SEM1: variants seen among roughly 807,000 people sequenced by gnomAD.
The protein encoded by SEM1 is SEM1 26S proteasome subunit.
In SEM1, 3 loss-of-function variants were observed where a neutral mutation model predicts 12.7. The observed-to-expected ratio is 0.24, with a 90% CI of 0.11 to 0.61. SEM1 has a LOEUF of 0.61. Among genes scored for constraint, SEM1 ranks in the 20% least tolerant of loss-of-function variants. The pLI is 0.88. For synonymous variants in SEM1, 30 were observed against 27.8 expected, an observed-to-expected ratio of 1.08 and a Z score of -0.25; for missense variants, 59 against 81.3, an observed-to-expected ratio of 0.73 and a Z score of 1.06.
intron 2 of SEM1, among the ~76,000 whole-genome samples, chr7:96,526,058 C>T (rs1275852965): frequency 6.6e-6 from 1 of 152,068 alleles, no homozygotes; most frequent in Non-Finnish European, 1.5e-5. Context: ...TTATCACCCC[C>T]AAAAGAAACC....
chr7:96,693,792 A>T (rs9632686), intron 2 of SEM1, among the ~76,000 whole-genome samples: 1 of 115,856 alleles, frequency 8.6e-6, no homozygotes, highest in African/African-American at 3.6e-5. Flanking sequence ...GTGTGTGTGT[A>T]TATATATATA....
intron 2 of SEM1, among the ~76,000 whole-genome samples, chr7:96,534,639 C>G (rs376143392): frequency 2.0e-5 from 3 of 151,978 alleles, no homozygotes; most frequent in African/African-American, 7.2e-5. Context: ...CAATTATCTA[C>G]AAAGGTTACT....
chr7:96,604,358 C>T (rs1378659464), intron 2 of SEM1, among the ~76,000 whole-genome samples: 1 of 152,164 alleles, frequency 6.6e-6, no homozygotes, highest in East Asian at 1.9e-4. Context: ...TTTAGGAAGA[C>T]ATTATGGTTG....
intron 2 of SEM1, among the ~76,000 whole-genome samples, chr7:96,607,893 G>A (rs565401731): frequency 1.3e-5 from 2 of 152,250 alleles, no homozygotes; most frequent in Admixed American, 6.5e-5. Context: ...AGCAAGCATT[G>A]GTTGAGTGTC....
At chr7:96,585,193 G>A (rs534253106) in intron 2 of SEM1, among the ~76,000 whole-genome samples, 2 of 152,254 alleles carry the variant, frequency 1.3e-5, no homozygotes, top group Admixed American at 1.3e-4. Flanking sequence ...TAACAGACAG[G>A]ACCCTCAGCT....
chr7:96,607,335 C>T (rs1807411007), intron 2 of SEM1, among the ~76,000 whole-genome samples: 1 of 152,170 alleles, frequency 6.6e-6, no homozygotes, highest in Non-Finnish European at 1.5e-5. Context: ...AACATATTTT[C>T]TCTTAAACCC....
intron 2 of SEM1, among the ~76,000 whole-genome samples, chr7:96,547,021 G>C (rs550399973): frequency 2.0e-4 from 30 of 152,250 alleles, no homozygotes; most frequent in African/African-American, 7.2e-4. Context: ...GATTGCAGCT[G>C]AGAATGCAGA....
intron 1 of SEM1, among the ~76,000 whole-genome samples, chr7:96,698,831 G>A (rs1433454154): frequency 6.6e-6 from 1 of 152,126 alleles, no homozygotes; most frequent in Non-Finnish European, 1.5e-5. Flanking sequence ...GATCCTTGCG[G>A]AATCACCACA....
At chr7:96,535,257 T>G (rs558958430) in intron 2 of SEM1, among the ~76,000 whole-genome samples, 5 of 152,034 alleles carry the variant, frequency 3.3e-5, no homozygotes, top group African/African-American at 1.2e-4. Flanking sequence ...TTTACAATGG[T>G]CTAGTGTCCT....
intron 2 of SEM1, among the ~76,000 whole-genome samples, chr7:96,660,821 C>A (rs1299312514): frequency 6.6e-6 from 1 of 151,982 alleles, no homozygotes; most frequent in East Asian, 1.9e-4. Context: ...TGCAGCAATT[C>A]TCAAGAAATT....
At chr7:96,604,587 T>C (rs1807289397) in intron 2 of SEM1, among the ~76,000 whole-genome samples, 1 of 152,084 alleles carries the variant, frequency 6.6e-6, no homozygotes, top group Non-Finnish European at 1.5e-5. Flanking sequence ...GGGGGTCATC[T>C]AGTGTATGGT....
chr7:96,675,878 G>A (rs1789440073), intron 2 of SEM1, among the ~76,000 whole-genome samples: 1 of 152,210 alleles, frequency 6.6e-6, no homozygotes, highest in African/African-American at 2.4e-5. Context: ...TGCCAGAGAT[G>A]TCCTAGCTTC....
chr7:96,551,035 G>A (rs1265171257), intron 2 of SEM1, among the ~76,000 whole-genome samples: 1 of 152,106 alleles, frequency 6.6e-6, no homozygotes, highest in Non-Finnish European at 1.5e-5. Flanking sequence ...AGAAGAGATA[G>A]ACATGCAAGA....
intron 2 of SEM1, among the ~76,000 whole-genome samples, chr7:96,667,258 G>A (rs1011557704): frequency 1.3e-5 from 2 of 152,132 alleles, no homozygotes; most frequent in African/African-American, 4.8e-5. Context: ...ACAGCCTCAA[G>A]ACCAAATTAC....
rs1808561334 is a variant in SEM1, at chr7:96,640,597, C to T, written c.171-17954G>A. Among the ~76,000 whole-genome samples the T allele has an allele frequency of 6.6e-6, 1 of 151,834 alleles. No individual in the cohort carries two copies. Among genetic ancestry groups the T allele is most frequent in the African/African-American group, 2.4e-5 (1 of 41,362 alleles). On this transcript the variant is annotated intron_variant, in intron 2 of 2. Transcript: ENST00000417009. This position sits in a 1 kb window ranked among gnomAD's most constrained non-coding sequence, Gnocchi z 4.0. ...GAGGGAGAGATGAATAGGTGGAGAA[C>T]AGAGGATTTTTAGGGAAGTGAAAAT...
intron 2 of SEM1, among the ~76,000 whole-genome samples, chr7:96,596,568 A>G (rs1807004935): frequency 6.6e-6 from 1 of 152,042 alleles, no homozygotes; most frequent in South Asian, 2.1e-4. Context: ...CCGGGTAATA[A>G]TTTCTCCAAA....
intron 2 of SEM1, among the ~76,000 whole-genome samples, chr7:96,547,809 C>T (rs1342541942): frequency 6.6e-6 from 1 of 152,120 alleles, no homozygotes; most frequent in Non-Finnish European, 1.5e-5. Context: ...ACACAGGATT[C>T]TTGCTTACTC....
chr7:96,598,759 A>ATGC (rs1807087208), intron 2 of SEM1, among the ~76,000 whole-genome samples: 1 of 152,142 alleles, frequency 6.6e-6, no homozygotes, highest in Non-Finnish European at 1.5e-5. Flanking sequence ...CTGAGTTTAT[A>ATGC]TGCTCACTTT....
chr7:96,601,466 G>A (rs1807198765), intron 2 of SEM1, among the ~76,000 whole-genome samples: 1 of 152,136 alleles, frequency 6.6e-6, no homozygotes, highest in African/African-American at 2.4e-5. Context: ...AACATGAGCA[G>A]TGAGGATGTT....
Sources: allele counts gnomAD v4.1 joint callset (sites outside exome capture counted in the v4.1 genomes callset), GRCh38; gene constraint gnomAD v4.1.1; non-coding constraint Gnocchi (gnomAD v3.1); transcripts MANE v1.5; gene names NCBI Gene and HGNC (gene_info 2026-07-23, HGNC 2026-07-21).